Variants in NDUFS4 observed in about 807,000 individuals in gnomAD.
NDUFS4 encodes the protein NADH:ubiquinone oxidoreductase subunit S4, also known as NADH dehydrogenase [ubiquinone] iron-sulfur protein 4, mitochondrial.
Under a neutral mutation model 24.3 loss-of-function variants are expected in NDUFS4, and 28 were observed. That is an observed-to-expected ratio of 1.15 (90% CI 0.85 to 1.58). NDUFS4 has a LOEUF of 1.58. Among genes scored for constraint, NDUFS4 ranks in the 40% most tolerant of loss-of-function variants. NDUFS4 has a pLI of 0.00. For missense variants in NDUFS4, 223 were observed against 207.9 expected, an observed-to-expected ratio of 1.07 and a Z score of -0.45; for synonymous variants, 93 against 69.7, an observed-to-expected ratio of 1.34 and a Z score of -1.67.
chr5:53,622,501 G>A (rs1751078631), intron 2 of NDUFS4, among the ~76,000 whole-genome samples: 1 of 151,936 alleles, frequency 6.6e-6, no homozygotes, highest in South Asian at 2.1e-4. Flanking sequence ...TCTCATAAGG[G>A]CACTAATCCC....
At chr5:53,601,741 CTG>C (rs1432382397) in intron 1 of NDUFS4, among the ~76,000 whole-genome samples, 1 of 152,176 alleles carries the variant, frequency 6.6e-6, no homozygotes, top group Non-Finnish European at 1.5e-5. Flanking sequence ...CCGTCCAGCT[CTG>C]TCTCACCCAG....
chr5:53,571,638 C>T (rs1407692826), intron 1 of NDUFS4, among the ~76,000 whole-genome samples: 1 of 152,296 alleles, frequency 6.6e-6, no homozygotes, highest in East Asian at 1.9e-4. Context: ...ATTTTACATT[C>T]CCACCAGCAG....
chr5:53,575,726 A>C (rs1472436690), intron 1 of NDUFS4, among the ~76,000 whole-genome samples: 1 of 151,606 alleles, frequency 6.6e-6, no homozygotes, highest in African/African-American at 2.4e-5. Flanking sequence ...ATTTTTGTAG[A>C]GATGGGGGTT....
At chr5:53,580,123 C>T (rs1375750315) in intron 1 of NDUFS4, among the ~76,000 whole-genome samples, 1 of 152,162 alleles carries the variant, frequency 6.6e-6, no homozygotes, top group Non-Finnish European at 1.5e-5. Context: ...AATATACTCT[C>T]CCTGTGTCTC....
At chr5:53,572,342 A>G (rs1749237806) in intron 1 of NDUFS4, among the ~76,000 whole-genome samples, 1 of 152,162 alleles carries the variant, frequency 6.6e-6, no homozygotes, top group South Asian at 2.1e-4. Flanking sequence ...ACTTCAGAGA[A>G]GAAGGGATGG....
At chr5:53,577,947 T>G (rs1749439681) in intron 1 of NDUFS4, among the ~76,000 whole-genome samples, 1 of 152,182 alleles carries the variant, frequency 6.6e-6, no homozygotes, top group South Asian at 2.1e-4. Flanking sequence ...GATGAGCATG[T>G]ATTTTCTCTT....
intron 4 of NDUFS4, among the ~76,000 whole-genome samples, chr5:53,674,523 A>C (rs1740394248): frequency 6.6e-6 from 1 of 152,170 alleles, no homozygotes; most frequent in Non-Finnish European, 1.5e-5. Flanking sequence ...TACTTAGAAG[A>C]GATCTAGGGT....
intron 4 of NDUFS4, among the ~76,000 whole-genome samples, chr5:53,680,229 A>C (rs1489107898): frequency 6.6e-6 from 1 of 152,130 alleles, no homozygotes; most frequent in Non-Finnish European, 1.5e-5. Flanking sequence ...CCTTATAGCC[A>C]TGCAACCTAT....
At chr5:53,666,203 T>C (rs182407414) in intron 4 of NDUFS4, among the ~76,000 whole-genome samples, 1 of 152,382 alleles carries the variant, frequency 6.6e-6, no homozygotes, top group East Asian at 1.9e-4. Context: ...TTATATTTCA[T>C]GTCTGACACT....
chr5:53,660,759 G>A (rs1180398324), intron 4 of NDUFS4, among the ~76,000 whole-genome samples: 1 of 152,062 alleles, frequency 6.6e-6, no homozygotes, highest in East Asian at 1.9e-4. Context: ...AGTGATGATG[G>A]GCATTTTTTC....
intron 2 of NDUFS4, among the ~76,000 whole-genome samples, chr5:53,630,154 G>C (rs958854836): frequency 5.9e-5 from 9 of 152,058 alleles, no homozygotes; most frequent in Non-Finnish European, 1.3e-4. Flanking sequence ...AATTTGGCTG[G>C]GTATGAAATT....
At chr5:53,662,030 T>G (rs964685372) in intron 4 of NDUFS4, among the ~76,000 whole-genome samples, 4 of 152,146 alleles carry the variant, frequency 2.6e-5, no homozygotes, top group African/African-American at 9.7e-5. Flanking sequence ...CTTCCAACAC[T>G]ATGTTGAATA....
At chr5:53,656,596 A>G (rs1440509507) in intron 3 of NDUFS4, among the ~76,000 whole-genome samples, 2 of 152,144 alleles carry the variant, frequency 1.3e-5, no homozygotes, top group Admixed American at 1.3e-4. Flanking sequence ...ACAATTAGCA[A>G]CCTGATTTGA....
At chr5:53,560,923 G>T (rs1748819467) in intron 1 of NDUFS4, among the ~76,000 whole-genome samples, 163 bp downstream of exon 1, 1 of 152,150 alleles carries the variant, frequency 6.6e-6, no homozygotes. Context: ...ATCAATGGGC[G>T]TTGGCCAGGC....
At chr5:53,615,664 G>A (rs1750818459) in intron 2 of NDUFS4, among the ~76,000 whole-genome samples, 1 of 151,982 alleles carries the variant, frequency 6.6e-6, no homozygotes, top group Non-Finnish European at 1.5e-5. Context: ...GTGTGAATAG[G>A]CTTTTTGTTC....
At chr5:53,669,290 A>G (rs1249502470) in intron 4 of NDUFS4, among the ~76,000 whole-genome samples, 1 of 152,202 alleles carries the variant, frequency 6.6e-6, no homozygotes, top group Non-Finnish European at 1.5e-5. Flanking sequence ...GTTCTTCACA[A>G]TATAGGCACA....
intron 1 of NDUFS4, among the ~76,000 whole-genome samples, chr5:53,587,263 T>C (rs1473077143): frequency 6.6e-6 from 1 of 152,122 alleles, no homozygotes; most frequent in Non-Finnish European, 1.5e-5. Flanking sequence ...TAAGAAAATA[T>C]ATTATTCTTG....
intron 3 of NDUFS4, 133 bp downstream of exon 3, chr5:53,646,538 C>A: frequency 1.1e-6 from 1 of 888,910 alleles, no homozygotes; most frequent in Non-Finnish European, 1.8e-6. Context: ...TTAAGTACCA[C>A]TGTGCTCAAA....
At position 53,571,832 on chromosome 5, in the gene NDUFS4, T is replaced by C. The variant is rs1184349677; in HGVS notation, c.98+11072T>C. Among the ~76,000 whole-genome samples, 8 of 152,238 alleles carry C rather than the reference T, an allele frequency of 5.3e-5. 1 individual carries two copies. The highest frequency in any genetic ancestry group is 3.9e-4 in the Admixed American group (6 of 15,284). ...TCTAATGGCAAATGATGTTGAACTT[T>C]GGTGAAGTATCTGTTTATGTCTTTT... is the stretch of plus-strand genomic sequence containing the variant. On this transcript the variant is annotated intron_variant, in intron 1 of 4. Coordinates refer to ENST00000296684, the MANE Select transcript of NDUFS4 (RefSeq NM_002495.4).
Sources: allele counts gnomAD v4.1 joint callset (sites outside exome capture counted in the v4.1 genomes callset), GRCh38; gene constraint gnomAD v4.1.1; transcripts MANE v1.5; gene names NCBI Gene and HGNC (gene_info 2026-07-23, HGNC 2026-07-21).